Variants in CLVS1 observed in about 807,000 individuals in gnomAD.
CLVS1 encodes clavesin 1, also known as clavesin-1.
In CLVS1, 10 loss-of-function variants were observed where a neutral mutation model predicts 33.1. The observed-to-expected ratio is 0.30, with a 90% CI of 0.19 to 0.51. CLVS1 has a LOEUF of 0.51. Ranked by LOEUF, CLVS1 falls within the 20% of genes least tolerant of loss-of-function variation. CLVS1 has a pLI of 0.97. For missense variants in CLVS1, 343 were observed against 433.4 expected (o/e 0.79, Z 1.85); for synonymous variants, 163 against 166.1 (o/e 0.98, Z 0.14).
chr8:61,016,202 T>C, the CLVS1 span, among the ~76,000 whole-genome samples: 1 of 152,224 alleles, frequency 6.6e-6, no homozygotes, highest in African/African-American at 2.4e-5. Context: ...TTGGGTCTCA[T>C]CCCCAAGATA....
rs1202284026 is a variant in CLVS1 at position 61,058,237 on chromosome 8, T to C, written c.-243+1007T>C. Among the ~76,000 whole-genome samples, 6 of 152,072 alleles carry C rather than the reference T, an allele frequency of 3.9e-5. No homozygotes were observed. In the East Asian group the frequency reaches 1.2e-3, roughly 29 times the overall value. On this transcript the variant is annotated intron_variant, in intron 1 of 2. Transcript: ENST00000522621. Reference sequence around the variant, plus strand: ...CATTGGCAGTTGGCAGTGTAAATTATTGAGGGGGTTTGATGGGATTGTGCA... The same window carrying C: ...CATTGGCAGTTGGCAGTGTAAATTACTGAGGGGGTTTGATGGGATTGTGCA...
the CLVS1 span, among the ~76,000 whole-genome samples, chr8:60,979,789 C>T: frequency 2.0e-5 from 3 of 152,184 alleles, no homozygotes; most frequent in Non-Finnish European, 4.4e-5. Flanking sequence ...GAGAGGTTGT[C>T]ACACTGTCAG....
chr8:61,312,461 A>G (rs1372547965), intron 2 of CLVS1, among the ~76,000 whole-genome samples: 1 of 152,172 alleles, frequency 6.6e-6, no homozygotes, highest in East Asian at 1.9e-4. Flanking sequence ...TTTTGTTGTG[A>G]AGGTTTTAAA....
chr8:61,288,384 C>T (rs747138880), intron 1 of CLVS1: 4 of 413,014 alleles, frequency 9.7e-6, no homozygotes, highest in Non-Finnish European at 2.0e-5. Flanking sequence ...TCCACCATCA[C>T]CGTCATCATA....
chr8:61,392,098 C>T (rs1324792670), intron 3 of CLVS1, among the ~76,000 whole-genome samples: 2 of 152,066 alleles, frequency 1.3e-5, no homozygotes, highest in East Asian at 1.9e-4. Flanking sequence ...CAACTTTGAG[C>T]GTAAATCTAA....
intron 3 of CLVS1, among the ~76,000 whole-genome samples, chr8:61,379,366 C>A (rs1252383829): frequency 1.3e-5 from 2 of 151,470 alleles, no homozygotes; most frequent in Non-Finnish European, 2.9e-5. Context: ...TTATGAAACC[C>A]TCCCCCCCTT....
At chr8:61,415,203 G>C (rs995271158) in intron 3 of CLVS1, among the ~76,000 whole-genome samples, 1 of 152,188 alleles carries the variant, frequency 6.6e-6, no homozygotes. Context: ...CTTCACATTG[G>C]ACCCACTTTT....
intron 2 of CLVS1, among the ~76,000 whole-genome samples, chr8:61,223,678 G>A (rs1047585396): frequency 4.6e-5 from 7 of 152,174 alleles, no homozygotes; most frequent in Non-Finnish European, 8.8e-5. Flanking sequence ...TTCTCATGGA[G>A]TATCTTAATG....
At chr8:61,421,116 T>G (rs1451234572) in intron 3 of CLVS1, among the ~76,000 whole-genome samples, 1 of 152,174 alleles carries the variant, frequency 6.6e-6, no homozygotes, top group East Asian at 1.9e-4. Flanking sequence ...TGGTTGGTGC[T>G]TTGGTTGGGA....
intron 2 of CLVS1, among the ~76,000 whole-genome samples, chr8:61,276,323 C>T (rs144099608): frequency 7.2e-4 from 109 of 152,278 alleles, no homozygotes; most frequent in African/African-American, 2.2e-3. Flanking sequence ...GGTCAATGAA[C>T]TTGGAATATA....
intron 2 of CLVS1, among the ~76,000 whole-genome samples, chr8:61,148,407 A>G (rs987045744): frequency 6.6e-6 from 1 of 152,186 alleles, no homozygotes; most frequent in Admixed American, 6.5e-5. Flanking sequence ...ACAATATTAA[A>G]CAGGTGGCCA....
chr8:61,023,772 C>G, the CLVS1 span, among the ~76,000 whole-genome samples: 1 of 152,086 alleles, frequency 6.6e-6, no homozygotes, highest in South Asian at 2.1e-4. Flanking sequence ...GACGGCCCAG[C>G]GCGCTGGCCC....
intron 5 of CLVS1, among the ~76,000 whole-genome samples, chr8:61,463,196 A>G (rs1817428766): frequency 6.6e-6 from 1 of 152,144 alleles, no homozygotes; most frequent in Admixed American, 6.5e-5. Context: ...CACCTCTCTC[A>G]ACCTTCATGA....
chr8:61,035,787 T>C, the CLVS1 span, among the ~76,000 whole-genome samples: 1 of 152,184 alleles, frequency 6.6e-6, no homozygotes, highest in African/African-American at 2.4e-5. Flanking sequence ...AATGTAAATC[T>C]TCCCCTCCTC....
chr8:61,337,777 G>T (rs1412113730), intron 2 of CLVS1, among the ~76,000 whole-genome samples: 9 of 152,190 alleles, frequency 5.9e-5, no homozygotes, highest in Admixed American at 5.2e-4. Flanking sequence ...ACAGCTAAGG[G>T]AGTGTGGCAG....
intron 3 of CLVS1, among the ~76,000 whole-genome samples, chr8:61,381,485 G>A (rs1001371795): frequency 5.9e-5 from 9 of 151,958 alleles, no homozygotes; most frequent in Non-Finnish European, 5.9e-5. Flanking sequence ...GTTCTGTTAC[G>A]TGGGTAAACT....
intron 2 of CLVS1, among the ~76,000 whole-genome samples, chr8:61,194,848 A>G (rs1208003317): frequency 6.6e-6 from 1 of 151,884 alleles, no homozygotes; most frequent in African/African-American, 2.4e-5. Flanking sequence ...ATAAATTTCA[A>G]ATACTGTATT....
the CLVS1 span, among the ~76,000 whole-genome samples, chr8:60,995,860 C>T: frequency 3.0e-4 from 45 of 152,286 alleles, 1 homozygote; most frequent in Middle Eastern, 3.4e-3. Flanking sequence ...ATGTCCTTTG[C>T]AGGGACATGG....
chr8:61,034,989 C>T, the CLVS1 span, among the ~76,000 whole-genome samples: 1,053 of 152,198 alleles, frequency 6.9e-3, 30 homozygotes, highest in East Asian at 0.056. Context: ...ATCAGAAAAG[C>T]GTCCTTGAGG....
Sources: allele counts gnomAD v4.1 joint callset (sites outside exome capture counted in the v4.1 genomes callset), GRCh38; gene constraint gnomAD v4.1.1; transcripts MANE v1.5; gene names NCBI Gene and HGNC (gene_info 2026-07-23, HGNC 2026-07-21).